HCN3: variants seen among roughly 807,000 people sequenced by gnomAD.
HCN3 encodes the protein hyperpolarization activated cyclic nucleotide gated potassium channel 3, also known as potassium/sodium hyperpolarization-activated cyclic nucleotide-gated channel 3.
In HCN3, 36 loss-of-function variants were observed where a neutral mutation model predicts 56.8. The observed-to-expected ratio is 0.63, with a 90% CI of 0.49 to 0.84. The LOEUF (loss-of-function observed/expected upper bound fraction) is 0.84. HCN3 is among the 40% of genes least tolerant of loss of function. The pLI is 0.00. For missense variants in HCN3, 930 were observed against 1,079.3 expected (o/e 0.86, Z 1.94); for synonymous variants, 425 against 439.7 (o/e 0.97, Z 0.42).
rs1674108951 is a variant in HCN3, at chr1:155,282,720, G to A, written c.588G>A (p.Leu196=). The A allele has an allele frequency of 1.9e-6, 3 of 1,614,090 alleles. No individual in the cohort carries two copies. The highest frequency in any genetic ancestry group is 1.7e-6 in the Non-Finnish European group (2 of 1,180,050). Residue 196 remains leucine, a synonymous_variant, in exon 2 of 8, where the codon TTG becomes TTA. Transcript: ENST00000368358. The surrounding 1 kb of genome is among the most constrained non-coding windows in gnomAD (Gnocchi z 4.7). ...TAGTGGTGGAGCTGGAGCCACGGTT[G>A]GACGCTGAGGTCTACAAAACGGCAC... ...IFLVVELEPR[L]DAEVYKTARA...
chr1:155,282,349 G>C lies in HCN3; in HGVS notation c.279-62G>C. 2 of 1,502,822 alleles carry C rather than the reference G, an allele frequency of 1.3e-6. No individual in the cohort carries two copies. The highest frequency in any genetic ancestry group is 1.8e-6 in the Non-Finnish European group (2 of 1,088,552). The allele number at this position is 1,502,822 out of a possible 1,614,324, so 93.1% of individuals were successfully genotyped here. The stretch of plus-strand genomic sequence containing the variant: ...TCTTGGCCATGTCAGCCTATCTTCT[G>C]TCAGTCTAGTGGCTGGTGAAATATC... On this transcript the variant is annotated intron_variant, in intron 1 of 7. Coordinates refer to ENST00000368358, the MANE Select transcript of HCN3 (RefSeq NM_020897.3). This position sits in a 1 kb window ranked among gnomAD's most constrained non-coding sequence, Gnocchi z 4.7.
rs746683570 is a variant in HCN3, at chr1:155,288,077, T to C, written c.1939T>C (p.Trp647Arg). The change falls in exon 8 of 8, where the codon TGG becomes CGG. Residue 647 changes from tryptophan (W) to arginine (R), a missense_variant. Trp to Arg is a moderately radical substitution (Grantham distance 101). Coordinates refer to ENST00000368358, the MANE Select transcript of HCN3 (RefSeq NM_020897.3). This position sits in a 1 kb window ranked among gnomAD's most constrained non-coding sequence, Gnocchi z 6.5. ...SPATLLARSA[W>R]RSAGSPASPL... Reference sequence around the variant, plus strand: ...AGCCACCCTCCTTGCTCGCTCTGCTTGGCGCTCAGCAGGCTCTCCAGCTTC... The same window carrying C: ...AGCCACCCTCCTTGCTCGCTCTGCTCGGCGCTCAGCAGGCTCTCCAGCTTC... 39 of 1,612,418 alleles carry C rather than the reference T, an allele frequency of 2.4e-5. No homozygotes were observed. Among genetic ancestry groups the C allele is most frequent in the Non-Finnish European group, 7.6e-6 (9 of 1,179,688 alleles).
chr1:155,278,979 A>C (rs953705674), intron 1 of HCN3, among the ~76,000 whole-genome samples: 2 of 152,002 alleles, frequency 1.3e-5, no homozygotes, highest in African/African-American at 4.8e-5. Context: ...AGATGCTTTC[A>C]TGGCTAGGCG....
Position 155,287,820 on chromosome 1 carries a change from C to T in HCN3, c.1682C>T (p.Pro561Leu). Reference sequence around the variant, plus strand: ...ATACTGCAGCGGAAGCGCTCCGAGCCAAGTCCAGGCAGCAGTGGTGGCATC... The same window carrying T: ...ATACTGCAGCGGAAGCGCTCCGAGCTAAGTCCAGGCAGCAGTGGTGGCATC... Reference protein sequence around the residue: ...NSILQRKRSEPSPGSSGGIME... With the variant: ...NSILQRKRSELSPGSSGGIME... Residue 561 changes from proline to leucine, a missense_variant, in exon 8 of 8, where the codon CCA becomes CTA. Coordinates refer to ENST00000368358, the MANE Select transcript of HCN3 (RefSeq NM_020897.3). 6.2e-7 allele frequency: 1 copy of T among 1,606,430 alleles called. No homozygotes were observed.
chr1:155,283,174 C>T (rs1293360931), intron 2 of HCN3, among the ~76,000 whole-genome samples: 2 of 152,058 alleles, frequency 1.3e-5, no homozygotes, highest in Non-Finnish European at 2.9e-5. Context: ...TTCAGAGCAG[C>T]AGAGTTTAGT....
chr1:155,281,968 C>T (rs1377921717), intron 1 of HCN3, among the ~76,000 whole-genome samples: 2 of 152,182 alleles, frequency 1.3e-5, no homozygotes, highest in Non-Finnish European at 2.9e-5. Flanking sequence ...CTCAGCATTG[C>T]ATTTGTGAAA....
Position 155,284,222 on chromosome 1 carries a change from G to T in HCN3, c.870+87G>T, listed in dbSNP as rs568997335. 6.8e-7 allele frequency: 1 copy of T among 1,478,142 alleles called. No homozygotes were observed. The highest frequency in any genetic ancestry group is 9.3e-7 in the Non-Finnish European group (1 of 1,077,752). The allele number at this position is 1,478,142 out of a possible 1,614,324, so 91.6% of individuals were successfully genotyped here. A position where few individuals can be genotyped will look rare whatever the true frequency, so the allele number is the denominator to read the frequency against. ...CAGGGATGGCCACAGGGAGCAGGAG[G>T]TGGGAGATGATCACAACAGAAAATA... is the stretch of plus-strand genomic sequence containing the variant. On this transcript the variant is annotated intron_variant, in intron 3 of 7. Transcript: ENST00000368358. The surrounding 1 kb of genome is among the most constrained non-coding windows in gnomAD (Gnocchi z 4.3).
At position 155,282,750 on chromosome 1, in the gene HCN3, C is replaced by T; in HGVS notation, c.618C>T (p.Ala206=). 1 of 1,614,158 alleles carries T rather than the reference C, an allele frequency of 6.2e-7. No homozygotes were observed. ...CTGAGGTCTACAAAACGGCACGGGCCCTACGCATCGTTCGCTTCACCAAGA... is the reference window on the plus strand; with the variant it reads ...CTGAGGTCTACAAAACGGCACGGGCTCTACGCATCGTTCGCTTCACCAAGA... ...LDAEVYKTAR[A]LRIVRFTKIL... Residue 206 remains alanine, a synonymous_variant, in exon 2 of 8, where the codon GCC becomes GCT. Transcript: ENST00000368358. This position sits in a 1 kb window ranked among gnomAD's most constrained non-coding sequence, Gnocchi z 4.7.
At position 155,288,856 on chromosome 1, in the gene HCN3, A is replaced by G. The variant is rs1674413024; in HGVS notation, c.*393A>G. The G allele has an allele frequency of 3.1e-5, 6 of 195,128 alleles. No homozygotes were observed. The South Asian group carries it at 9.7e-4, about 32-fold the overall frequency. 12.1% of individuals were successfully genotyped at this position (195,128 alleles called of 1,614,324 possible). On this transcript the variant is annotated 3_prime_UTR_variant, in exon 8 of 8. Transcript: ENST00000368358. This position sits in a 1 kb window ranked among gnomAD's most constrained non-coding sequence, Gnocchi z 6.5. ...CTAAGCACAAGTACTTGCCACTGCC[A>G]TCACTGCCAAGTAACTAGATGTCTC...
Position 155,285,665 on chromosome 1 carries a change from C to G in HCN3, c.1237-59C>G. ...TGGGGTTTCTGGAAGCGGATGAGCTCGGTGGGATCATCTCAGGTCAGGGGC... is the reference window on the plus strand; with the variant it reads ...TGGGGTTTCTGGAAGCGGATGAGCTGGGTGGGATCATCTCAGGTCAGGGGC... On this transcript the variant is annotated intron_variant, in intron 5 of 7. Transcript: ENST00000368358. This position sits in a 1 kb window ranked among gnomAD's most constrained non-coding sequence, Gnocchi z 4.5. 2 of 1,597,858 alleles carry G rather than the reference C, an allele frequency of 1.3e-6. No homozygotes were observed. The highest frequency in any genetic ancestry group is 4.5e-5 in the East Asian group (2 of 44,614).
intron 1 of HCN3, among the ~76,000 whole-genome samples, chr1:155,280,321 G>A (rs928617545): frequency 6.6e-6 from 1 of 151,950 alleles, no homozygotes; most frequent in Non-Finnish European, 1.5e-5. Flanking sequence ...CTAGAGGGCA[G>A]TGGAGCGGTT....
chr1:155,287,903 GC>G lies in HCN3; in HGVS notation c.1769del (p.Pro590ArgfsTer27). ...CATGGCTCGGGGTGTTCGGGGTCGGGCCCCGAGCACAGGAGCTCAGCTTAGT... is the reference window on the plus strand; with the variant it reads ...CATGGCTCGGGGTGTTCGGGGTCGGGCCCGAGCACAGGAGCTCAGCTTAGT... ...RDMARGVRGRAPSTGAQLSGK... is the reference protein window; with the variant it reads ...RDMARGVRGRXPSTGAQLSGK... On this transcript the variant is annotated frameshift_variant, in exon 8 of 8. Transcript: ENST00000368358. LOFTEE classifies it high-confidence loss of function. The G allele has an allele frequency of 1.9e-6, 3 of 1,613,992 alleles. No homozygotes were observed. The highest frequency in any genetic ancestry group is 2.5e-6 in the Non-Finnish European group (3 of 1,180,016).
Position 155,277,471 on chromosome 1 carries a change from G to A in HCN3, c.-120G>A. On this transcript the variant is annotated 5_prime_UTR_variant, in exon 1 of 8. Transcript: ENST00000368358. Reference sequence around the variant, plus strand: ...CCGCCCCGCGCGCCGGCGATTCCGAGCCTACGACGCCTCCGCTAGAGCCCG... The same window carrying A: ...CCGCCCCGCGCGCCGGCGATTCCGAACCTACGACGCCTCCGCTAGAGCCCG... The A allele has an allele frequency of 3.9e-6, 5 of 1,270,474 alleles. No individual in the cohort carries two copies. Among genetic ancestry groups the A allele is most frequent in the Non-Finnish European group, 3.2e-6 (3 of 950,000 alleles). The allele number at this position is 1,270,474 out of a possible 1,614,324, so 78.7% of individuals were successfully genotyped here.
At position 155,288,038 on chromosome 1, in the gene HCN3, TC is replaced by T; in HGVS notation, c.1904del (p.Pro635LeufsTer71). 1 of 1,613,772 alleles carries T rather than the reference TC, an allele frequency of 6.2e-7. No homozygotes were observed. The highest frequency in any genetic ancestry group is 8.5e-7 in the Non-Finnish European group (1 of 1,179,936). ...TCATCAGCGGGGCCCTCTGCCCCTC[TC>T]CCCTGACTCTCCAGCCACCCTCCTT... ...LTHQRGPLPL[S>X]PDSPATLLAR... On this transcript the variant is annotated frameshift_variant, in exon 8 of 8. Transcript: ENST00000368358. LOFTEE classifies it high-confidence loss of function. This position sits in a 1 kb window ranked among gnomAD's most constrained non-coding sequence, Gnocchi z 6.5.
rs935160613 is a variant in HCN3, at chr1:155,281,462, G to T, written c.279-949G>T. Among the ~76,000 whole-genome samples the T allele has an allele frequency of 2.5e-4, 38 of 151,480 alleles. 2 individuals carry two copies. The highest frequency in any genetic ancestry group is 2.2e-3 in the Admixed American group (34 of 15,188). On this transcript the variant is annotated intron_variant, in intron 1 of 7. Coordinates refer to ENST00000368358, the MANE Select transcript of HCN3 (RefSeq NM_020897.3). ...CGGCTCACTGCAACCTCTGCCTTCC[G>T]GGTTCATGCCATTCTCCTGCCTCAG...
chr1:155,285,089 G>A lies in HCN3; in HGVS notation c.1090-76G>A, dbSNP rs1358099716. The A allele has an allele frequency of 5.4e-5, 83 of 1,541,276 alleles. No individual in the cohort carries two copies. Among genetic ancestry groups the A allele is most frequent in the Non-Finnish European group, 2.2e-5 (25 of 1,130,856 alleles). On this transcript the variant is annotated intron_variant, in intron 4 of 7. Coordinates refer to ENST00000368358, the MANE Select transcript of HCN3 (RefSeq NM_020897.3). The surrounding 1 kb of genome is among the most constrained non-coding windows in gnomAD (Gnocchi z 4.5). Reference sequence around the variant, plus strand: ...GTTTGACCTGTGTCTCTGACCTTCCGCACACACACCCCACTGTGCCGGCCC... The same window carrying A: ...GTTTGACCTGTGTCTCTGACCTTCCACACACACACCCCACTGTGCCGGCCC...
rs1674082963 is a variant in HCN3, at chr1:155,282,195, G to C, written c.279-216G>C. The stretch of plus-strand genomic sequence containing the variant: ...TGTGTCTATACGTAGGAATGGGATT[G>C]CTGAGTTGCAGGGAATGCAAATGTT... On this transcript the variant is annotated intron_variant, in intron 1 of 7. Transcript: ENST00000368358. This position sits in a 1 kb window ranked among gnomAD's most constrained non-coding sequence, Gnocchi z 4.7. 6.6e-6 allele frequency among the ~76,000 whole-genome samples: 1 copy of C among 152,210 alleles called. No homozygotes were observed. The highest frequency in any genetic ancestry group is 1.5e-5 in the Non-Finnish European group (1 of 68,042).
rs763111047 is a variant in HCN3, at chr1:155,288,260, C to G, written c.2122C>G (p.Arg708Gly). The G allele has an allele frequency of 1.4e-5, 22 of 1,597,584 alleles. No individual in the cohort carries two copies. The South Asian group carries it at 2.3e-4, about 17-fold the overall frequency. The change falls in exon 8 of 8, where the codon CGG becomes GGG. Residue 708 changes from arginine (R) to glycine (G), a missense_variant. Arg to Gly is a moderately radical substitution (Grantham distance 125). Coordinates refer to ENST00000368358, the MANE Select transcript of HCN3 (RefSeq NM_020897.3). The surrounding 1 kb of genome is among the most constrained non-coding windows in gnomAD (Gnocchi z 6.5). ...AGGAGGTGGACGGCGGCTAGGACCT[C>G]GGGGCCGCCCACTCTCAGCCTCCCA... is the stretch of plus-strand genomic sequence containing the variant. ...PGGGGRRLGP[R>G]GRPLSASQPS...
chr1:155,284,791 G>A lies in HCN3; in HGVS notation c.1089+34G>A. On this transcript the variant is annotated intron_variant, in intron 4 of 7. Transcript: ENST00000368358. The surrounding 1 kb of genome is among the most constrained non-coding windows in gnomAD (Gnocchi z 4.3). ...GGACAGGAGAGGGAGGTGTGGCATG[G>A]AGGGGTGTTGGAGACTGGGTAGCCT... 1 of 1,574,402 alleles carries A rather than the reference G, an allele frequency of 6.4e-7. No individual in the cohort carries two copies. Among genetic ancestry groups the A allele is most frequent in the Non-Finnish European group, 8.7e-7 (1 of 1,155,696 alleles).
Sources: gnomAD v4.1 joint callset for allele counts (sites outside exome capture counted in the v4.1 genomes callset) on GRCh38, gnomAD v4.1.1 for gene constraint, Gnocchi (gnomAD v3.1) non-coding constraint, MANE v1.5 for transcripts, NCBI Gene and HGNC (gene_info 2026-07-23, HGNC 2026-07-21) for gene names.